The following SV2C variants were observed in gnomAD, a reference collection of about 807,000 sequenced individuals.
The protein encoded by SV2C is synaptic vesicle glycoprotein 2C.
SV2C carries 49 observed loss-of-function variants against 79.7 expected under a neutral mutation model. The ratio of observed to expected loss-of-function variants is 0.61; its 90% CI spans 0.49 to 0.78. The LOEUF (loss-of-function observed/expected upper bound fraction) is 0.78, where lower values mean the gene tolerates loss of function less well. Ranked by LOEUF, SV2C falls within the 30% of genes least tolerant of loss-of-function variation. The pLI, the probability that SV2C is intolerant of heterozygous loss-of-function variation, is 0.00. For synonymous variants in SV2C, 334 were observed against 333.2 expected, an observed-to-expected ratio of 1.00 and a Z score of -0.03; for missense variants, 833 against 912.9, an observed-to-expected ratio of 0.91 and a Z score of 1.13.
chr5:76,037,793 C>A, the SV2C span, among the ~76,000 whole-genome samples: 1 of 152,260 alleles, frequency 6.6e-6, no homozygotes, highest in Non-Finnish European at 1.5e-5. Context: ...TTCCTGGCTG[C>A]TTTGTTTACC....
chr5:76,191,900 G>A (rs1458859405), intron 2 of SV2C, among the ~76,000 whole-genome samples: 2 of 152,144 alleles, frequency 1.3e-5, no homozygotes, highest in African/African-American at 4.8e-5. Context: ...GTCACAGCCT[G>A]GCCTCTTTTA....
rs1749236729 is a variant in SV2C at position 76,333,321 on chromosome 5, A to T, written c.*7774A>T. 6.6e-6 allele frequency: 1 copy of T among 152,228 alleles called. No individual in the cohort carries two copies. The highest frequency in any genetic ancestry group is 1.5e-5 in the Non-Finnish European group (1 of 68,032). The allele number at this position is 152,228 out of a possible 1,614,324, so 9.4% of individuals were successfully genotyped here. A position where few individuals can be genotyped will look rare whatever the true frequency, so the allele number is the denominator to read the frequency against. On this transcript the variant is annotated 3_prime_UTR_variant, in exon 13 of 13. Coordinates refer to ENST00000502798, the MANE Select transcript of SV2C (RefSeq NM_014979.4). The stretch of plus-strand genomic sequence containing the variant: ...AGCATCCATGCAGTTATGTATCCTC[A>T]TCCTGATCCAGGAACATATTGAACA...
intron 2 of SV2C, among the ~76,000 whole-genome samples, chr5:76,176,951 TA>T (rs1743548261): frequency 1.3e-5 from 2 of 151,776 alleles, no homozygotes; most frequent in South Asian, 4.2e-4. Flanking sequence ...CCGTCTCTAC[TA>T]AAAATACAAA....
At chr5:75,954,997 C>T in the SV2C span, among the ~76,000 whole-genome samples, 2 of 148,118 alleles carry the variant, frequency 1.4e-5, no homozygotes, top group Admixed American at 1.3e-4. Context: ...TCAATGCCAT[C>T]CCCATCAAGC....
At chr5:76,007,787 C>A in the SV2C span, among the ~76,000 whole-genome samples, 2 of 152,148 alleles carry the variant, frequency 1.3e-5, no homozygotes, top group East Asian at 3.9e-4. Context: ...CTATGTTTGT[C>A]TCCAAATGAA....
chr5:76,053,453 A>C, the SV2C span, among the ~76,000 whole-genome samples: 1 of 152,198 alleles, frequency 6.6e-6, no homozygotes, highest in South Asian at 2.1e-4. Context: ...ACTGGGAGAA[A>C]GCGAATTGAT....
At chr5:75,976,026 A>G in the SV2C span, among the ~76,000 whole-genome samples, 8 of 152,344 alleles carry the variant, frequency 5.3e-5, no homozygotes, top group Admixed American at 2.0e-4. Context: ...GAAACCGTGC[A>G]GGAATAACAG....
At chr5:76,242,329 C>T in intron 4 of SV2C, 1 of 1,445,958 alleles carries the variant, frequency 6.9e-7, no homozygotes. Context: ...GACATAGGTG[C>T]TGGACGCGGG....
chr5:76,078,331 G>C, the SV2C span, among the ~76,000 whole-genome samples: 3 of 152,176 alleles, frequency 2.0e-5, no homozygotes, highest in African/African-American at 7.2e-5. Flanking sequence ...ATGAGGTTGA[G>C]GATATTGGGC....
the SV2C span, among the ~76,000 whole-genome samples, chr5:76,017,986 T>C: frequency 2.0e-5 from 3 of 152,310 alleles, no homozygotes; most frequent in African/African-American, 7.2e-5. Context: ...ATTTTGCTCA[T>C]GCATGTGGTC....
At chr5:75,856,125 A>C in the SV2C span, among the ~76,000 whole-genome samples, 1 of 152,198 alleles carries the variant, frequency 6.6e-6, no homozygotes, top group South Asian at 2.1e-4. Flanking sequence ...ACAGGAACTC[A>C]TTCTTTTTGG....
At chr5:76,231,442 T>A (rs539466164) in intron 4 of SV2C, among the ~76,000 whole-genome samples, 68 of 148,060 alleles carry the variant, frequency 4.6e-4, no homozygotes, top group African/African-American at 1.7e-3. Context: ...ATTTATTTAT[T>A]TTTTTTTATT....
At chr5:75,893,885 C>T in the SV2C span, among the ~76,000 whole-genome samples, 10 of 152,102 alleles carry the variant, frequency 6.6e-5, no homozygotes, top group African/African-American at 2.2e-4. Flanking sequence ...AGATCAGACA[C>T]GTCACCAAGG....
chr5:76,203,124 A>G (rs562937839), intron 3 of SV2C, among the ~76,000 whole-genome samples: 2 of 152,312 alleles, frequency 1.3e-5, no homozygotes, highest in Middle Eastern at 6.8e-3. Flanking sequence ...TTGATCACAA[A>G]GGAGAAGGAA....
intron 3 of SV2C, among the ~76,000 whole-genome samples, chr5:76,196,646 C>T (rs1744279739): frequency 1.3e-5 from 2 of 152,176 alleles, no homozygotes; most frequent in South Asian, 2.1e-4. Context: ...AAAGGCCAAG[C>T]TTCCTTCTCC....
the SV2C span, among the ~76,000 whole-genome samples, chr5:75,864,228 C>T: frequency 6.6e-6 from 1 of 152,036 alleles, no homozygotes; most frequent in African/African-American, 2.4e-5. Context: ...ATCTATATTT[C>T]CTGCCTTGTT....
chr5:75,877,202 G>A, the SV2C span, among the ~76,000 whole-genome samples: 1 of 151,956 alleles, frequency 6.6e-6, no homozygotes, highest in South Asian at 2.1e-4. Flanking sequence ...AGATAAATAG[G>A]GAGATTTTAG....
the SV2C span, among the ~76,000 whole-genome samples, chr5:75,932,323 T>C: frequency 6.6e-6 from 1 of 152,222 alleles, no homozygotes; most frequent in African/African-American, 2.4e-5. Flanking sequence ...GGCTATCATC[T>C]GGGTCTGCCA....
chr5:76,241,182 CTTTTTTTTT>C (rs60557642), intron 4 of SV2C, among the ~76,000 whole-genome samples: 1 of 137,066 alleles, frequency 7.3e-6, no homozygotes, highest in African/African-American at 2.7e-5. Flanking sequence ...GTCTCAATCT[CTTTTTTTTT>C]TTTTTTTTCC....
Sources: allele counts gnomAD v4.1 joint callset (sites outside exome capture counted in the v4.1 genomes callset), GRCh38; gene constraint gnomAD v4.1.1; transcripts MANE v1.5; gene names NCBI Gene and HGNC (gene_info 2026-07-23, HGNC 2026-07-21).